Variants in KCNC2 observed in about 807,000 individuals in gnomAD.
KCNC2 encodes potassium voltage-gated channel subfamily C member 2.
Under a neutral mutation model 44.5 loss-of-function variants are expected in KCNC2, and 21 were observed. The observed-to-expected ratio is 0.47, with a 90% CI of 0.33 to 0.68. The LOEUF (loss-of-function observed/expected upper bound fraction) is 0.68, where lower values mean the gene tolerates loss of function less well. KCNC2 is among the 30% of genes least tolerant of loss of function. The pLI, the probability that KCNC2 is intolerant of heterozygous loss-of-function variation, is 0.01. For synonymous variants in KCNC2, 391 were observed against 339.1 expected (o/e 1.15, Z -1.68); for missense variants, 589 against 826.2 (o/e 0.71, Z 3.52).
At position 75,048,259 on chromosome 12, in the gene KCNC2, G is replaced by A. The variant is rs190076785; in HGVS notation, c.1674C>T (p.Leu558=). The change falls in exon 4 of 5, where the codon CTC becomes CTT. Residue 558 remains leucine, a synonymous_variant. Coordinates refer to ENST00000549446, the MANE Select transcript of KCNC2 (RefSeq NM_139137.4). ...CTCTGGTACTAGAGCGTCTGATGGG[G>A]AGCCTTTCTGGGGGTGATAGTGGCG... ...SEPPLSPPER[L]PIRRSSTRDK... is the part of the protein sequence containing the mutation. 2.5e-6 allele frequency: 4 copies of A among 1,613,012 alleles called. No homozygotes were observed. Among genetic ancestry groups the A allele is most frequent in the Non-Finnish European group, 3.4e-6 (4 of 1,179,340 alleles).
chr12:75,139,190 C>G (rs1362232098), intron 2 of KCNC2, among the ~76,000 whole-genome samples: 1 of 152,084 alleles, frequency 6.6e-6, no homozygotes, highest in African/African-American at 2.4e-5. Context: ...TGCCTCTGCT[C>G]TCTTTCGAGT....
rs191640374 is a variant in KCNC2 at position 75,063,348 on chromosome 12, A to T, written c.688-12031T>A. On this transcript the variant is annotated intron_variant, in intron 2 of 4. Transcript: ENST00000549446. ...CAATAATAATCAATCAATACTCAAC[A>T]TATGATTCAATGATAAATGTTAAAC... Among the ~76,000 whole-genome samples, 3 of 152,224 alleles carry T rather than the reference A, an allele frequency of 2.0e-5. No homozygotes were observed. In the East Asian group the frequency reaches 5.8e-4, roughly 29 times the overall value.
At chr12:75,067,302 C>A (rs1882930715) in intron 2 of KCNC2, among the ~76,000 whole-genome samples, 1 of 152,168 alleles carries the variant, frequency 6.6e-6, no homozygotes, top group Non-Finnish European at 1.5e-5. Context: ...GGCAAAGTCT[C>A]TAATTCACCA....
At chr12:75,119,841 G>T (rs1887928507) in intron 2 of KCNC2, among the ~76,000 whole-genome samples, 1 of 152,022 alleles carries the variant, frequency 6.6e-6, no homozygotes, top group African/African-American at 2.4e-5. Context: ...GTAATATTTT[G>T]GTCAACAACA....
chr12:75,153,979 C>T (rs959120865), intron 2 of KCNC2, among the ~76,000 whole-genome samples: 8 of 151,550 alleles, frequency 5.3e-5, no homozygotes, highest in African/African-American at 9.7e-5. Context: ...GCACATTCTG[C>T]GTACTTATTG....
At chr12:75,099,011 G>A (rs1399534571) in intron 2 of KCNC2, among the ~76,000 whole-genome samples, 1 of 151,970 alleles carries the variant, frequency 6.6e-6, no homozygotes, top group East Asian at 1.9e-4. Context: ...CACTGCATGT[G>A]GCAAGTGAGC....
At chr12:75,048,692 T>C (rs970451136) in intron 3 of KCNC2, among the ~76,000 whole-genome samples, 2 of 152,154 alleles carry the variant, frequency 1.3e-5, no homozygotes, top group African/African-American at 4.8e-5. Flanking sequence ...AAATGGAACC[T>C]ATTTAAGAAA....
intron 4 of KCNC2, among the ~76,000 whole-genome samples, chr12:75,047,354 G>A (rs931669384): frequency 1.3e-5 from 2 of 152,030 alleles, no homozygotes; most frequent in East Asian, 1.9e-4. Flanking sequence ...AGTTTAGACA[G>A]TTGGTACAAT....
chr12:75,072,150 G>A (rs2137039323), intron 2 of KCNC2, among the ~76,000 whole-genome samples: 1 of 152,180 alleles, frequency 6.6e-6, no homozygotes, highest in South Asian at 2.1e-4. Context: ...GTTTTACAAA[G>A]CTCTCTTTGT....
intron 2 of KCNC2, among the ~76,000 whole-genome samples, chr12:75,086,023 C>G (rs1481566316): frequency 2.6e-5 from 4 of 151,936 alleles, no homozygotes; most frequent in Non-Finnish European, 5.9e-5. Flanking sequence ...AGTTCTAAAA[C>G]TGACAATTTT....
intron 2 of KCNC2, among the ~76,000 whole-genome samples, chr12:75,057,438 A>G (rs997302803): frequency 1.3e-5 from 2 of 152,024 alleles, no homozygotes; most frequent in Non-Finnish European, 2.9e-5. Context: ...GAATTAATTC[A>G]GTTTCTTCTG....
chr12:75,183,841 G>T (rs1297579781), intron 2 of KCNC2, among the ~76,000 whole-genome samples: 1 of 152,082 alleles, frequency 6.6e-6, no homozygotes, highest in East Asian at 1.9e-4. Context: ...CCTCAATGTG[G>T]CTCACCGGGT....
intron 2 of KCNC2, among the ~76,000 whole-genome samples, chr12:75,162,799 C>A (rs1477646997): frequency 2.0e-5 from 3 of 151,754 alleles, no homozygotes; most frequent in African/African-American, 7.2e-5. Flanking sequence ...TCCCTACCTG[C>A]ATGTTAGTGG....
chr12:75,045,515 A>G (rs1204505805), intron 4 of KCNC2, among the ~76,000 whole-genome samples: 2 of 151,930 alleles, frequency 1.3e-5, no homozygotes, highest in Non-Finnish European at 2.9e-5. Context: ...TTCATTTATG[A>G]TTAGAAAATT....
intron 2 of KCNC2, among the ~76,000 whole-genome samples, chr12:75,111,674 C>T (rs538559600): frequency 2.4e-4 from 37 of 151,058 alleles, no homozygotes; most frequent in African/African-American, 8.3e-4. Flanking sequence ...TCTTAACATC[C>T]GAAGCCATGC....
At chr12:75,084,112 G>GA (rs963349233) in intron 2 of KCNC2, among the ~76,000 whole-genome samples, 9 of 151,810 alleles carry the variant, frequency 5.9e-5, no homozygotes, top group African/African-American at 2.2e-4. Context: ...AAAGAAAGTT[G>GA]AAAAATGTGG....
intron 2 of KCNC2, among the ~76,000 whole-genome samples, chr12:75,068,407 C>A (rs1565825188): frequency 6.6e-6 from 1 of 152,204 alleles, no homozygotes; most frequent in Non-Finnish European, 1.5e-5. Context: ...AAAGCAGTGG[C>A]AGCAGCCATC....
intron 2 of KCNC2, among the ~76,000 whole-genome samples, chr12:75,176,834 C>G: frequency 6.6e-6 from 1 of 151,664 alleles, no homozygotes; most frequent in East Asian, 1.9e-4. Flanking sequence ...ATTTGACCAA[C>G]AAAAAAACCT....
intron 2 of KCNC2, among the ~76,000 whole-genome samples, chr12:75,164,934 C>T (rs367653012): frequency 8.2e-4 from 125 of 151,692 alleles, no homozygotes; most frequent in African/African-American, 2.9e-3. Context: ...AACATTAGTA[C>T]CAAAGTGTCC....
Sources: gnomAD v4.1 joint callset for allele counts (sites outside exome capture counted in the v4.1 genomes callset) on GRCh38, gnomAD v4.1.1 for gene constraint, MANE v1.5 for transcripts, NCBI Gene and HGNC (gene_info 2026-07-23, HGNC 2026-07-21) for gene names.